The following C18orf63 variants were observed in gnomAD, a reference collection of about 807,000 sequenced individuals.
C18orf63 encodes the protein chromosome 18 open reading frame 63, also known as uncharacterized protein C18orf63.
Under a neutral mutation model 75.3 loss-of-function variants are expected in C18orf63, and 50 were observed. The ratio of observed to expected loss-of-function variants is 0.66; its 90% CI spans 0.53 to 0.84. The LOEUF (loss-of-function observed/expected upper bound fraction) is 0.84, where lower values mean the gene tolerates loss of function less well. Ranked by LOEUF, C18orf63 falls within the 40% of genes least tolerant of loss-of-function variation. C18orf63 has a pLI of 0.00. For synonymous variants in C18orf63, 232 were observed against 267.6 expected (o/e 0.87, Z 1.30); for missense variants, 732 against 800.2 (o/e 0.91, Z 1.03).
intron 13 of C18orf63, among the ~76,000 whole-genome samples, chr18:74,355,506 A>AC (rs1555694689): frequency 6.6e-6 from 1 of 151,960 alleles, no homozygotes; most frequent in Non-Finnish European, 1.5e-5. Context: ...GTCATCCAGG[A>AC]GGGGGGGCTT....
rs111694118 is a variant in C18orf63 at position 74,333,957 on chromosome 18, T to C, written c.501+3015T>C. On this transcript the variant is annotated intron_variant, in intron 7 of 13. Coordinates refer to ENST00000579455, the MANE Select transcript of C18orf63 (RefSeq NM_001174123.2). ...CTTCTCTGAATCTCACTTTTACTTA[T>C]GTTTTTGATATGATGTCTTACACAT... 8.2e-3 allele frequency among the ~76,000 whole-genome samples: 1,251 copies of C among 152,328 alleles called. 20 individuals are homozygous for C. Among genetic ancestry groups the C allele is most frequent in the African/African-American group, 0.029 (1,192 of 41,578 alleles).
intron 11 of C18orf63, among the ~76,000 whole-genome samples, chr18:74,351,716 A>G (rs1166399282): frequency 6.6e-6 from 1 of 152,210 alleles, no homozygotes; most frequent in African/African-American, 2.4e-5. Context: ...CCTAATAGAT[A>G]ATTGGATTAG....
chr18:74,326,486 C>T (rs554312820), intron 4 of C18orf63, among the ~76,000 whole-genome samples: 4 of 152,264 alleles, frequency 2.6e-5, no homozygotes, highest in African/African-American at 9.6e-5. Context: ...TCTCTGTTGA[C>T]CTCCAGAGTT....
rs1984057261 is a variant in C18orf63 at position 74,318,094 on chromosome 18, A to G, written c.134+95A>G. 4 of 708,946 alleles carry G rather than the reference A, an allele frequency of 5.6e-6. No individual in the cohort carries two copies. The Admixed American group carries it at 1.1e-4, about 20-fold the overall frequency. 43.9% of individuals were successfully genotyped at this position (708,946 alleles called of 1,614,324 possible). On this transcript the variant is annotated intron_variant, in intron 2 of 13. Coordinates refer to ENST00000579455, the MANE Select transcript of C18orf63 (RefSeq NM_001174123.2). ...TTTCTATAAAGCAAAATACTCATTC[A>G]CTCAACTTGTGTTTATAATTTTAAA...
intron 11 of C18orf63, among the ~76,000 whole-genome samples, chr18:74,344,140 CAG>C (rs1447229321): frequency 6.6e-6 from 1 of 152,068 alleles, no homozygotes; most frequent in Non-Finnish European, 1.5e-5. Context: ...ATAAGGAAAA[CAG>C]AGGGCTAGTG....
chr18:74,319,460 G>A (rs901069948), intron 2 of C18orf63, among the ~76,000 whole-genome samples: 3 of 152,140 alleles, frequency 2.0e-5, no homozygotes, highest in South Asian at 2.1e-4. Flanking sequence ...TTGATGATTA[G>A]TAATGTTGAA....
At chr18:74,353,176 T>C in intron 11 of C18orf63, 70 bp from the exon 12 acceptor site, 4 of 999,222 alleles carry the variant, frequency 4.0e-6, no homozygotes, top group Non-Finnish European at 5.7e-6. Flanking sequence ...TGATACTTTA[T>C]ATTTTATTTC....
At chr18:74,336,411 T>C (rs1382943060) in intron 7 of C18orf63, among the ~76,000 whole-genome samples, 1 of 152,034 alleles carries the variant, frequency 6.6e-6, no homozygotes, top group Admixed American at 6.5e-5. Flanking sequence ...GAGGGAATCA[T>C]ATGTGAAATC....
chr18:74,325,529 T>G (rs1391482490), intron 4 of C18orf63, among the ~76,000 whole-genome samples: 3 of 152,216 alleles, frequency 2.0e-5, no homozygotes, highest in Non-Finnish European at 4.4e-5. Context: ...CTGTAAATGT[T>G]TATTGGGTCA....
intron 11 of C18orf63, among the ~76,000 whole-genome samples, chr18:74,347,396 T>A (rs1398152536): frequency 6.6e-6 from 1 of 152,254 alleles, no homozygotes; most frequent in Non-Finnish European, 1.5e-5. Flanking sequence ...ATCAGAGTTG[T>A]TCTGCACTGG....
chr18:74,343,362 TTTCA>T (rs1984520061), intron 10 of C18orf63, among the ~76,000 whole-genome samples, 153 bp from the exon 11 acceptor site: 2 of 152,162 alleles, frequency 1.3e-5, no homozygotes, highest in Non-Finnish European at 2.9e-5. Flanking sequence ...GAAAACATAC[TTTCA>T]TCTGTGGATG....
At chr18:74,337,051 C>G (rs1024531845) in intron 7 of C18orf63, among the ~76,000 whole-genome samples, 1 of 152,060 alleles carries the variant, frequency 6.6e-6, no homozygotes, top group African/African-American at 2.4e-5. Context: ...TTTTTCCTTA[C>G]AATGTCAACA....
rs1344231080 is a variant in C18orf63 at position 74,353,296 on chromosome 18, A to T, written c.1029A>T (p.Ala343=). 2 of 1,536,372 alleles carry T rather than the reference A, an allele frequency of 1.3e-6. No homozygotes were observed. The highest frequency in any genetic ancestry group is 1.4e-5 in the African/African-American group (1 of 73,016). Reference sequence around the variant, plus strand: ...TGACCACTAAAAAAATGCTTAGGGCATCTCTGACTCAAGCCACTTCCAGAA... The same window carrying T: ...TGACCACTAAAAAAATGCTTAGGGCTTCTCTGACTCAAGCCACTTCCAGAA... ...PNLTTKKMLR[A]SLTQATSRKP... is the part of the protein sequence containing the mutation. The change falls in exon 12 of 14, where the codon GCA becomes GCT. Residue 343 remains alanine (A), a synonymous_variant. Transcript: ENST00000579455.
intron 7 of C18orf63, among the ~76,000 whole-genome samples, chr18:74,334,905 G>A (rs1444633500): frequency 2.0e-5 from 3 of 152,128 alleles, no homozygotes; most frequent in African/African-American, 7.2e-5. Flanking sequence ...CTCAAAGATA[G>A]TATGGTCTTT....
chr18:74,321,891 CT>C (rs1984129656), intron 3 of C18orf63, among the ~76,000 whole-genome samples: 3 of 151,850 alleles, frequency 2.0e-5, no homozygotes, highest in Admixed American at 2.0e-4. Context: ...TATTTTGAAA[CT>C]TGCCATTCAT....
chr18:74,340,950 C>G (rs11151945), intron 8 of C18orf63, among the ~76,000 whole-genome samples: 105,439 of 151,926 alleles, frequency 0.69, 36,910 homozygotes, highest in Non-Finnish European at 0.75. Flanking sequence ...GTACAGCATA[C>G]TGACTATAGT....
chr18:74,328,956 G>A (rs1984255315), intron 5 of C18orf63, 39 bp from the exon 6 acceptor site: 1 of 1,084,402 alleles, frequency 9.2e-7, no homozygotes, highest in South Asian at 1.4e-5. Flanking sequence ...GATTATTTAT[G>A]AGTTGTAATA....
At chr18:74,331,555 G>T (rs1269917821) in intron 7 of C18orf63, among the ~76,000 whole-genome samples, 2 of 152,142 alleles carry the variant, frequency 1.3e-5, no homozygotes, top group African/African-American at 4.8e-5. Context: ...AATGTCTAGA[G>T]ACAATTTTGG....
At chr18:74,316,796 T>C (rs79818733) in intron 1 of C18orf63, among the ~76,000 whole-genome samples, 2,888 of 152,314 alleles carry the variant, frequency 0.019, 80 homozygotes, top group African/African-American at 0.065. Flanking sequence ...AACATTCTTT[T>C]TGAATCTGCA....
Sources: allele counts gnomAD v4.1 joint callset (sites outside exome capture counted in the v4.1 genomes callset), GRCh38; gene constraint gnomAD v4.1.1; transcripts MANE v1.5; gene names NCBI Gene and HGNC (gene_info 2026-07-23, HGNC 2026-07-21).